The following PPP2R1A variants were observed in gnomAD, a reference collection of about 807,000 sequenced individuals.
The protein encoded by PPP2R1A is protein phosphatase 2 scaffold subunit Aalpha, also known as serine/threonine-protein phosphatase 2A 65 kDa regulatory subunit A alpha isoform.
Under a neutral mutation model 67.1 loss-of-function variants are expected in PPP2R1A, and 15 were observed. That is an observed-to-expected ratio of 0.22 (90% confidence interval 0.15 to 0.34). The LOEUF (loss-of-function observed/expected upper bound fraction) is 0.34. Ranked by LOEUF, PPP2R1A falls within the 10% of genes least tolerant of loss-of-function variation. The pLI is 1.00. For synonymous variants in PPP2R1A, 337 were observed against 325.0 expected (o/e 1.04, Z -0.40); for missense variants, 369 against 775.0 (o/e 0.48, Z 6.22).
chr19:52,225,039 C>T (rs1228582219), intron 13 of PPP2R1A, among the ~76,000 whole-genome samples: 6 of 104,652 alleles, frequency 5.7e-5, no homozygotes, highest in East Asian at 5.7e-4. Context: ...TTTTTTGAGA[C>T]GGAGTTTCGC....
In PPP2R1A at chr19:52,211,813, C is replaced by T. The variant is rs868643514; in HGVS notation, c.503+321C>T. On this transcript the variant is annotated intron_variant, in intron 4 of 14. Coordinates refer to ENST00000322088, the MANE Select transcript of PPP2R1A (RefSeq NM_014225.6). This position sits in a 1 kb window ranked among gnomAD's most constrained non-coding sequence, Gnocchi z 5.3. Reference sequence around the variant, plus strand: ...GCAAAATCTGGAACATAAAAACTTTCAGCAACTTACATCTGATGGTATCTC... The same window carrying T: ...GCAAAATCTGGAACATAAAAACTTTTAGCAACTTACATCTGATGGTATCTC... 3.6e-5 allele frequency: 13 copies of T among 361,390 alleles called. No homozygotes were observed. Among genetic ancestry groups the T allele is most frequent in the South Asian group, 2.9e-4 (6 of 20,812 alleles). The allele number at this position is 361,390 out of a possible 1,614,324, so 22.4% of individuals were successfully genotyped here.
chr19:52,210,469 C>T (rs11879419), intron 3 of PPP2R1A, among the ~76,000 whole-genome samples: 22,803 of 150,618 alleles, frequency 0.15, 2,121 homozygotes, highest in African/African-American at 0.26. Context: ...CCAGGCTGTA[C>T]CTCAGTTTTC....
Position 52,219,919 on chromosome 19 carries a change from G to A in PPP2R1A, c.1302+55G>A, listed in dbSNP as rs1978812705. The A allele has an allele frequency of 6.4e-7, 1 of 1,550,924 alleles. No homozygotes were observed. The highest frequency in any genetic ancestry group is 1.8e-5 in the Admixed American group (1 of 54,302). On this transcript the variant is annotated intron_variant, in intron 10 of 14. Transcript: ENST00000322088. The surrounding 1 kb of genome is among the most constrained non-coding windows in gnomAD (Gnocchi z 4.0). ...TGCTGCCTCAGGGGAGGTGCAGTAT[G>A]TCCAGGGCTGTGATGGGGAAACGGG...
At chr19:52,210,460 C>T (rs1350605650) in intron 3 of PPP2R1A, among the ~76,000 whole-genome samples, 2 of 151,442 alleles carry the variant, frequency 1.3e-5, no homozygotes, top group Non-Finnish European at 1.5e-5. Flanking sequence ...TTGGGCAAGC[C>T]AGGCTGTACC....
chr19:52,191,376 T>G (rs927875471), intron 1 of PPP2R1A: 1 of 152,216 alleles, frequency 6.6e-6, no homozygotes, highest in Non-Finnish European at 1.5e-5. Context: ...GAACGAATTA[T>G]GACACAAATA....
Position 52,219,681 on chromosome 19 carries a change from C to G in PPP2R1A, c.1129-10C>G, listed in dbSNP as rs376294458. 2 of 1,603,056 alleles carry G rather than the reference C, an allele frequency of 1.2e-6. No homozygotes were observed. Among genetic ancestry groups the G allele is most frequent in the South Asian group, 1.1e-5 (1 of 90,300 alleles). On this transcript the variant is annotated splice_polypyrimidine_tract_variant and intron_variant, in intron 9 of 14. Transcript: ENST00000322088. The surrounding 1 kb of genome is among the most constrained non-coding windows in gnomAD (Gnocchi z 4.0). Reference sequence around the variant, plus strand: ...TGCATTCTCTCAGAATCCTTCTTTCCTCTCCTCAGTGCCCTGAGGTACGGC... The same window carrying G: ...TGCATTCTCTCAGAATCCTTCTTTCGTCTCCTCAGTGCCCTGAGGTACGGC...
At chr19:52,199,161 T>G (rs1356645267) in intron 1 of PPP2R1A, among the ~76,000 whole-genome samples, 3 of 147,824 alleles carry the variant, frequency 2.0e-5, no homozygotes, top group South Asian at 2.2e-4. Context: ...TTTATGTTAT[T>G]TTATTTTATT....
rs1262874131 is a variant in PPP2R1A, at chr19:52,225,728, G to A, written c.1673G>A (p.Ser558Asn). The A allele has an allele frequency of 6.2e-7, 1 of 1,614,150 alleles. No individual in the cohort carries two copies. The highest frequency in any genetic ancestry group is 1.1e-5 in the South Asian group (1 of 91,086). Residue 558 changes from serine (S) to asparagine (N), a missense_variant, in exon 14 of 15, where the codon AGT (serine) becomes AAT (asparagine). Around this residue, in one of 2 missense-constraint regions of PPP2R1A, gnomAD observed 276 missense variants for 508.4 expected, o/e 0.54. Transcript: ENST00000322088. ...GPILDNSTLQ[S>N]EVKPILEKLT... ...CTTTCGCTTTCCAGCACCTTGCAGA[G>A]TGAAGTCAAGCCCATCCTAGAGAAG...
chr19:52,206,941 G>C (rs137859737), intron 3 of PPP2R1A, among the ~76,000 whole-genome samples: 93 of 152,210 alleles, frequency 6.1e-4, no homozygotes, highest in Non-Finnish European at 5.1e-4. Flanking sequence ...TGGTGTATTA[G>C]TTAGCAGCAG....
intron 1 of PPP2R1A, among the ~76,000 whole-genome samples, chr19:52,198,789 C>A (rs2089520753): frequency 1.3e-5 from 2 of 152,184 alleles, no homozygotes; most frequent in South Asian, 4.1e-4. Context: ...CACCTCTGTG[C>A]ATCAGTGTCC....
In PPP2R1A at chr19:52,211,238, T is replaced by C; in HGVS notation, c.271-22T>C. On this transcript the variant is annotated intron_variant, in intron 3 of 14. Transcript: ENST00000322088. This position sits in a 1 kb window ranked among gnomAD's most constrained non-coding sequence, Gnocchi z 5.3. ...GGATGGTGGAGAGGGAGCTGTCCAG[T>C]GACTTTGTGTTCTCACCACAGCCAC... The C allele has an allele frequency of 6.2e-7, 1 of 1,607,456 alleles. No homozygotes were observed.
rs1480455878 is a variant in PPP2R1A, at chr19:52,220,000, C to A, written c.1302+136C>A. 2 of 1,274,366 alleles carry A rather than the reference C, an allele frequency of 1.6e-6. No individual in the cohort carries two copies. Among genetic ancestry groups the A allele is most frequent in the Admixed American group, 2.5e-5 (1 of 40,750 alleles). The allele number at this position is 1,274,366 out of a possible 1,614,324, so 78.9% of individuals were successfully genotyped here. On this transcript the variant is annotated intron_variant, in intron 10 of 14. Coordinates refer to ENST00000322088, the MANE Select transcript of PPP2R1A (RefSeq NM_014225.6). The surrounding 1 kb of genome is among the most constrained non-coding windows in gnomAD (Gnocchi z 4.0). The stretch of plus-strand genomic sequence containing the variant: ...CTGCCTGGGGAGTCGAAGGAAGGGA[C>A]CCAGGAAATAGGGCCTTAAAAGATG...
At chr19:52,195,224 C>T (rs2089487553) in intron 1 of PPP2R1A, among the ~76,000 whole-genome samples, 1 of 152,072 alleles carries the variant, frequency 6.6e-6, no homozygotes, top group African/African-American at 2.4e-5. Flanking sequence ...ATTAACTCAC[C>T]ACAGAGCAGG....
chr19:52,193,776 G>T (rs35601439), intron 1 of PPP2R1A, among the ~76,000 whole-genome samples: 7 of 151,792 alleles, frequency 4.6e-5, no homozygotes, highest in Admixed American at 2.6e-4. Flanking sequence ...CACCATGTTG[G>T]CCAGGCTGGT....
At chr19:52,224,750 A>C (rs1206889734) in intron 13 of PPP2R1A, among the ~76,000 whole-genome samples, 1 of 152,144 alleles carries the variant, frequency 6.6e-6, no homozygotes, top group Non-Finnish European at 1.5e-5. Context: ...CCCAGACTGG[A>C]GTACAGTGGT....
At chr19:52,190,361 A>G in intron 1 of PPP2R1A, 187 bp downstream of exon 1, 1 of 684,642 alleles carries the variant, frequency 1.5e-6, no homozygotes, top group African/African-American at 1.8e-5. Context: ...GTGTCGGCCC[A>G]GTGGAGGGCG....
Position 52,228,446 on chromosome 19 carries a change from G to A in PPP2R1A, c.*2465G>A, listed in dbSNP as rs1600177344. 1 of 152,218 alleles carries A rather than the reference G, an allele frequency of 6.6e-6. No individual in the cohort carries two copies. Among genetic ancestry groups the A allele is most frequent in the East Asian group, 1.9e-4 (1 of 5,194 alleles). The allele number at this position is 152,218 out of a possible 1,614,324, so 9.4% of individuals were successfully genotyped here. A position where few individuals can be genotyped will look rare whatever the true frequency, so the allele number is the denominator to read the frequency against. ...AGTGCTCTCAGGAGAACGGACTGAG[G>A]TAACTCACCTTCTGTGAGCTTCATG... On this transcript the variant is annotated 3_prime_UTR_variant, in exon 15 of 15. Transcript: ENST00000322088.
intron 1 of PPP2R1A, chr19:52,200,326 G>A (rs2089535443): frequency 6.6e-6 from 1 of 152,184 alleles, no homozygotes; most frequent in Non-Finnish European, 1.5e-5. Context: ...AGAAATGAGG[G>A]GAGAGTTTCA....
At chr19:52,193,037 T>C (rs1042414763) in intron 1 of PPP2R1A, among the ~76,000 whole-genome samples, 1 of 152,232 alleles carries the variant, frequency 6.6e-6, no homozygotes, top group Non-Finnish European at 1.5e-5. Flanking sequence ...TAACAAATTA[T>C]TGGGTGCTTG....
Sources: allele counts gnomAD v4.1 joint callset (sites outside exome capture counted in the v4.1 genomes callset), GRCh38; gene constraint gnomAD v4.1.1; regional missense constraint gnomAD v4.1.1; non-coding constraint Gnocchi (gnomAD v3.1); transcripts MANE v1.5; gene names NCBI Gene and HGNC (gene_info 2026-07-23, HGNC 2026-07-21).